The following ATP7B variants were observed in gnomAD, a reference collection of about 807,000 sequenced individuals.
ATP7B encodes copper-transporting ATPase 2.
A neutral mutation model predicts 118.9 loss-of-function variants in ATP7B; 113 were observed. The ratio of observed to expected loss-of-function variants is 0.95; its 90% CI spans 0.82 to 1.11. The LOEUF (loss-of-function observed/expected upper bound fraction) is 1.11, where lower values mean the gene tolerates loss of function less well. Ranked by LOEUF, ATP7B falls within the 50% of genes most tolerant of loss-of-function variation. The pLI is 0.00. For missense variants in ATP7B, 1,867 were observed against 1,871.4 expected, an observed-to-expected ratio of 1.00 and a Z score of 0.04; for synonymous variants, 777 against 727.4, an observed-to-expected ratio of 1.07 and a Z score of -1.10.
chr13:51,955,791 A>T (rs975220678), intron 9 of ATP7B, among the ~76,000 whole-genome samples: 2 of 152,128 alleles, frequency 1.3e-5, no homozygotes, highest in Non-Finnish European at 2.9e-5. Flanking sequence ...AGAGAAGAAA[A>T]AAAAAAGAAG....
intron 15 of ATP7B, among the ~76,000 whole-genome samples, chr13:51,941,456 T>A (rs1291589861): frequency 4.0e-5 from 6 of 151,500 alleles, no homozygotes; most frequent in Non-Finnish European, 8.8e-5. Context: ...GCTACATGGG[T>A]GGAAATGGTA....
chr13:52,011,949 G>A (rs1461934717), upstream of ATP7B: 1 of 300,106 alleles, frequency 3.3e-6, no homozygotes, highest in African/African-American at 2.3e-5. Context: ...CCCCCTCCTC[G>A]GACTCTGCGC....
chr13:51,953,851 T>TAAAAAAAAAAAAAAAAAAAAAAAAA (rs561139788), intron 9 of ATP7B, among the ~76,000 whole-genome samples: 3 of 94,354 alleles, frequency 3.2e-5, no homozygotes, highest in African/African-American at 8.6e-5. Flanking sequence ...CCATCAATTG[T>TAAAAAAAAAAAAAAAAAAAAAAAAA]AAAAAAAAAA....
intron 4 of ATP7B, among the ~76,000 whole-genome samples, chr13:51,965,286 A>C (rs1396750580): frequency 1.3e-5 from 2 of 152,158 alleles, no homozygotes; most frequent in Non-Finnish European, 2.9e-5. Context: ...ATGGCAACAG[A>C]CCAAGGCTTG....
At position 51,961,914 on chromosome 13, in the gene ATP7B, C is replaced by G; in HGVS notation, c.1870-1G>C. The G allele has an allele frequency of 1.9e-6, 3 of 1,612,198 alleles. No homozygotes were observed. Among genetic ancestry groups the G allele is most frequent in the Non-Finnish European group, 2.5e-6 (3 of 1,178,416 alleles). On this transcript the variant is annotated splice_acceptor_variant, in intron 5 of 20. Transcript: ENST00000242839. LOFTEE classifies it high-confidence loss of function. Reference sequence around the variant, plus strand: ...CCAGGGAAGCATGAAAGCCAATTTCCTTGTCATTAAAAAGAGAGGGGTGGG... The same window carrying G: ...CCAGGGAAGCATGAAAGCCAATTTCGTTGTCATTAAAAAGAGAGGGGTGGG...
chr13:51,963,396 G>C (rs1463982952), intron 5 of ATP7B, among the ~76,000 whole-genome samples: 1 of 152,162 alleles, frequency 6.6e-6, no homozygotes, highest in African/African-American at 2.4e-5. Context: ...CTGCCTCCAA[G>C]GGTGGGGCCC....
rs1222271905 is a variant in ATP7B at position 51,935,693 on chromosome 13, C to T, written c.4024G>A (p.Val1342Ile). The T allele has an allele frequency of 6.2e-7, 1 of 1,611,672 alleles. No individual in the cohort carries two copies. Among genetic ancestry groups the T allele is most frequent in the Admixed American group, 1.7e-5 (1 of 59,740 alleles). The part of the protein sequence containing the change: ...NLVGIPIAAG[V>I]FMPIGIVLQP... The stretch of plus-strand genomic sequence containing the variant: ...AGCACAATGCCGATGGGCATGAAGA[C>T]ACCTGGGGAAGAAAGAACTCGCACT... Residue 1342 changes from valine to isoleucine, a missense_variant and splice_region_variant, in exon 20 of 21, where the codon GTC becomes ATC. Val to Ile is a conservative substitution (Grantham distance 29). Coordinates refer to ENST00000242839, the MANE Select transcript of ATP7B (RefSeq NM_000053.4).
Position 51,936,580 on chromosome 13 carries a change from A to G in ATP7B, c.4021+696T>C, listed in dbSNP as rs968382203. 2.6e-5 allele frequency among the ~76,000 whole-genome samples: 4 copies of G among 152,188 alleles called. No homozygotes were observed. In the East Asian group the frequency reaches 7.7e-4, roughly 29 times the overall value. Reference sequence around the variant, plus strand: ...TTCACTCTTGCCCAGGCTACAGTACAGTGGTGCGATCATGGGTCACTGCCA... The same window carrying G: ...TTCACTCTTGCCCAGGCTACAGTACGGTGGTGCGATCATGGGTCACTGCCA... On this transcript the variant is annotated intron_variant, in intron 19 of 20. Coordinates refer to ENST00000242839, the MANE Select transcript of ATP7B (RefSeq NM_000053.4).
chr13:51,958,529 A>G lies in ATP7B; in HGVS notation c.2137T>C (p.Tyr713His). ...CTFVQLLGGW[Y>H]FYVQAYKSLR... is the part of the protein sequence containing the mutation. ...GATTTGTAGGCCTGAACGTAGAAGT[A>G]CCACCCACCGAGGAGCTGAAAGACA... The change falls in exon 8 of 21, where the codon TAC (tyrosine) becomes CAC (histidine). Residue 713 changes from tyrosine (Y) to histidine (H), a missense_variant. By Grantham distance (83) the Tyr-to-His change is moderately conservative. Transcript: ENST00000242839. The G allele has an allele frequency of 6.2e-7, 1 of 1,614,196 alleles. No homozygotes were observed. Among genetic ancestry groups the G allele is most frequent in the Non-Finnish European group, 8.5e-7 (1 of 1,180,024 alleles).
At chr13:51,967,430 C>A (rs1053802266) in intron 4 of ATP7B, among the ~76,000 whole-genome samples, 2 of 152,206 alleles carry the variant, frequency 1.3e-5, no homozygotes, top group African/African-American at 4.8e-5. Context: ...TTTAGATTTT[C>A]CACATAGAAG....
At chr13:52,004,144 C>A (rs193094483) in intron 1 of ATP7B, among the ~76,000 whole-genome samples, 74 of 152,294 alleles carry the variant, frequency 4.9e-4, no homozygotes, top group African/African-American at 1.7e-3. Context: ...TGCCTGTAAA[C>A]CCAGCTACTC....
chr13:51,946,596 C>T (rs542603574), intron 12 of ATP7B, 118 bp from the exon 13 acceptor site: 22 of 1,162,930 alleles, frequency 1.9e-5, no homozygotes, highest in Middle Eastern at 2.6e-4. Flanking sequence ...ACTTGGGTTC[C>T]GGAAACAGAT....
intron 1 of ATP7B, among the ~76,000 whole-genome samples, chr13:51,993,556 A>G (rs908066614): frequency 1.2e-4 from 18 of 152,078 alleles, no homozygotes; most frequent in Admixed American, 2.0e-4. Flanking sequence ...GCAAGAGACC[A>G]TGTCCCAAAA....
rs373085452 is a variant in ATP7B at position 52,011,381 on chromosome 13, C to T, written c.-44G>A. 6.2e-7 allele frequency: 1 copy of T among 1,613,078 alleles called. No individual in the cohort carries two copies. The highest frequency in any genetic ancestry group is 1.7e-5 in the Admixed American group (1 of 60,032). On this transcript the variant is annotated 5_prime_UTR_variant, in exon 1 of 21. Coordinates refer to ENST00000242839, the MANE Select transcript of ATP7B (RefSeq NM_000053.4). The stretch of plus-strand genomic sequence containing the variant: ...AATTCTTCTCTGATCTGGCTCAGAG[C>T]AAAAGGTCACCTGGTCGGTGGAGGA...
upstream of ATP7B, chr13:52,011,556 C>A: frequency 1.6e-6 from 1 of 640,724 alleles, no homozygotes. Flanking sequence ...TTCAAAGTTG[C>A]GCGCCGCCGT....
intron 2 of ATP7B, 123 bp from the exon 3 acceptor site, chr13:51,970,872 C>CAGGGG: frequency 1.2e-6 from 1 of 805,186 alleles, no homozygotes; most frequent in Non-Finnish European, 1.9e-6. Context: ...AGCCTCAGCC[C>CAGGGG]CTGGGCTCCA....
chr13:51,966,127 T>C (rs546611582), intron 4 of ATP7B, among the ~76,000 whole-genome samples: 1 of 152,350 alleles, frequency 6.6e-6, no homozygotes, highest in South Asian at 2.1e-4. Context: ...TTTGTTTTTA[T>C]AACAACAACA....
At chr13:51,936,487 G>T (rs1212053026) in intron 19 of ATP7B, among the ~76,000 whole-genome samples, 1 of 151,730 alleles carries the variant, frequency 6.6e-6, no homozygotes, top group Non-Finnish European at 1.5e-5. Flanking sequence ...TTAAGGAGGG[G>T]GAATGAGGGG....
chr13:51,938,580 C>T (rs2138641474), intron 17 of ATP7B, among the ~76,000 whole-genome samples: 1 of 152,324 alleles, frequency 6.6e-6, no homozygotes, highest in African/African-American at 2.4e-5. Flanking sequence ...AAACTGGAGC[C>T]GCTGCTGTGT....
Sources: allele counts gnomAD v4.1 joint callset (sites outside exome capture counted in the v4.1 genomes callset), GRCh38; gene constraint gnomAD v4.1.1; transcripts MANE v1.5; gene names NCBI Gene and HGNC (gene_info 2026-07-23, HGNC 2026-07-21).